The following MAP3K3 variants were observed in gnomAD, a reference collection of about 807,000 sequenced individuals.
MAP3K3 encodes the protein mitogen-activated protein kinase kinase kinase 3.
MAP3K3 carries 12 observed loss-of-function variants against 80.9 expected under a neutral mutation model. The observed-to-expected ratio is 0.15, with a 90% confidence interval of 0.10 to 0.24. MAP3K3 has a LOEUF of 0.24. Among genes scored for constraint, MAP3K3 ranks in the 10% least tolerant of loss-of-function variants. The probability of loss-of-function intolerance (pLI) is 1.00; values close to 1 mark genes in which losing one functional copy is unlikely to be tolerated. For synonymous variants in MAP3K3, 272 were observed against 307.1 expected (o/e 0.89, Z 1.19); for missense variants, 596 against 834.7 (o/e 0.71, Z 3.52).
At chr17:63,625,317 T>C (rs936156963) in intron 1 of MAP3K3, among the ~76,000 whole-genome samples, 1 of 152,200 alleles carries the variant, frequency 6.6e-6, no homozygotes, top group Non-Finnish European at 1.5e-5. Flanking sequence ...TATGTGGCTA[T>C]AAAAAATTGG....
intron 2 of MAP3K3, among the ~76,000 whole-genome samples, chr17:63,640,361 ATTGAGT>A (rs1446294276): frequency 3.3e-5 from 5 of 152,178 alleles, no homozygotes; most frequent in Non-Finnish European, 7.3e-5. Context: ...ATATGGCTAG[ATTGAGT>A]TTGAGATTAC....
At chr17:63,655,070 CAAAT>C (rs979622157) in intron 4 of MAP3K3, among the ~76,000 whole-genome samples, 29 of 152,066 alleles carry the variant, frequency 1.9e-4, no homozygotes, top group Admixed American at 1.1e-3. Context: ...TTTAAATAAA[CAAAT>C]AAAGGAAAGA....
chr17:63,622,485 C>CT lies in MAP3K3; in HGVS notation c.-275_-274insT, dbSNP rs2034004625. On this transcript the variant is annotated 5_prime_UTR_variant, in exon 1 of 16. Transcript: ENST00000361733. ...AGAGACTGCGGGTCTGAGGGACTGGCGGGCGGGCGGGCCGAGCGGCGCCGC... is the reference window on the plus strand; with the variant it reads ...AGAGACTGCGGGTCTGAGGGACTGGCTGGGCGGGCGGGCCGAGCGGCGCCGC... 1 of 150,758 alleles carries CT rather than the reference C, an allele frequency of 6.6e-6. No individual in the cohort carries two copies. The highest frequency in any genetic ancestry group is 2.4e-5 in the African/African-American group (1 of 40,912). The allele number at this position is 150,758 out of a possible 1,614,324, so 9.3% of individuals were successfully genotyped here. A position where few individuals can be genotyped will look rare whatever the true frequency, so the allele number is the denominator to read the frequency against.
At chr17:63,658,158 T>C (rs989653594) in intron 5 of MAP3K3, among the ~76,000 whole-genome samples, 5 of 152,256 alleles carry the variant, frequency 3.3e-5, no homozygotes, top group African/African-American at 9.6e-5. Flanking sequence ...GAAAATACTT[T>C]ATGATAAAGA....
At chr17:63,690,687 G>A (rs1234988972) in intron 12 of MAP3K3, 2 of 465,998 alleles carry the variant, frequency 4.3e-6, no homozygotes, top group African/African-American at 2.0e-5. Flanking sequence ...TGACACAGAG[G>A]GGACTCCCTC....
intron 5 of MAP3K3, among the ~76,000 whole-genome samples, chr17:63,658,734 CTTTTTTT>C: frequency 7.2e-6 from 1 of 138,138 alleles, no homozygotes; most frequent in East Asian, 2.2e-4. Flanking sequence ...CATTTCTTTT[CTTTTTTT>C]TTTTTTTTTT....
chr17:63,679,752 G>T (rs2035293004), intron 6 of MAP3K3, among the ~76,000 whole-genome samples: 1 of 152,200 alleles, frequency 6.6e-6, no homozygotes, highest in African/African-American at 2.4e-5. Context: ...GATAATAGGT[G>T]TGAGCCACTG....
At position 63,667,033 on chromosome 17, in the gene MAP3K3, G is replaced by A. The variant is rs1369849994; in HGVS notation, c.475G>A (p.Glu159Lys). The change falls in exon 6 of 16, where the codon GAG becomes AAG. Residue 159 changes from glutamate to lysine, a missense_variant. Around this residue, in one of 2 missense-constraint regions of MAP3K3, gnomAD observed 232 missense variants for 245.8 expected, o/e 0.94. Transcript: ENST00000361733. ...TATAAATACTATCTACCAGCCCCCC[G>A]AGCCCAGAAGCAGGCACCTCTCTGT... is the stretch of plus-strand genomic sequence containing the variant. ...GDINTIYQPP[E>K]PRSRHLSVSS... The A allele has an allele frequency of 6.2e-7, 1 of 1,609,962 alleles. No individual in the cohort carries two copies. The highest frequency in any genetic ancestry group is 1.1e-5 in the South Asian group (1 of 90,176).
chr17:63,644,941 C>T (rs1176050310), intron 2 of MAP3K3, among the ~76,000 whole-genome samples: 1 of 152,170 alleles, frequency 6.6e-6, no homozygotes, highest in Non-Finnish European at 1.5e-5. Context: ...TTCCTCTACA[C>T]CTGTTCTTCT....
chr17:63,688,957 C>T (rs2035523171), intron 10 of MAP3K3, 76 bp downstream of exon 10: 1 of 1,004,974 alleles, frequency 1.0e-6, no homozygotes. Flanking sequence ...TGGGTTCGTC[C>T]ATGCAGTGCC....
chr17:63,662,060 G>A (rs1299281843), intron 5 of MAP3K3, among the ~76,000 whole-genome samples: 2 of 151,368 alleles, frequency 1.3e-5, no homozygotes, highest in Admixed American at 6.6e-5. Context: ...CCAGGATTGC[G>A]CCATTGCACT....
intron 8 of MAP3K3, 64 bp downstream of exon 8, chr17:63,685,654 A>G (rs1425745919): frequency 7.2e-6 from 10 of 1,379,722 alleles, no homozygotes. Context: ...TGGGTTGAGG[A>G]AGAAGAGTTA....
At chr17:63,646,596 A>G (rs1266582023) in intron 3 of MAP3K3, among the ~76,000 whole-genome samples, 1 of 152,240 alleles carries the variant, frequency 6.6e-6, no homozygotes. Flanking sequence ...CTTTGAGGAC[A>G]TAGAAAGAGG....
At position 63,689,768 on chromosome 17, in the gene MAP3K3, C is replaced by A; in HGVS notation, c.1063+33C>A. 6.3e-7 allele frequency: 1 copy of A among 1,575,260 alleles called. No homozygotes were observed. Among genetic ancestry groups the A allele is most frequent in the Non-Finnish European group, 8.7e-7 (1 of 1,155,860 alleles). On this transcript the variant is annotated intron_variant, in intron 11 of 15. Coordinates refer to ENST00000361733, the MANE Select transcript of MAP3K3 (RefSeq NM_002401.5). This position sits in a 1 kb window ranked among gnomAD's most constrained non-coding sequence, Gnocchi z 4.3. ...GCTGTCCCTGGCTAGGAGGAGACTG[C>A]CCAGGTGGTCTCAGACAAGCTACGG...
chr17:63,630,557 G>A (rs1261386775), intron 1 of MAP3K3, among the ~76,000 whole-genome samples: 1 of 152,086 alleles, frequency 6.6e-6, no homozygotes, highest in African/African-American at 2.4e-5. Flanking sequence ...GAACTCCTGG[G>A]CTCAAGCAAT....
At chr17:63,685,678 A>G in intron 8 of MAP3K3, 88 bp downstream of exon 8, 4 of 1,064,564 alleles carry the variant, frequency 3.8e-6, no homozygotes, top group South Asian at 1.3e-5. Flanking sequence ...CTGGAGGCCC[A>G]GGGTTAAAAC....
At chr17:63,666,279 TTC>T (rs1229937912) in intron 5 of MAP3K3, among the ~76,000 whole-genome samples, 1 of 152,170 alleles carries the variant, frequency 6.6e-6, no homozygotes, top group Non-Finnish European at 1.5e-5. Context: ...CCCTGGAATC[TTC>T]TTAATTTTCA....
intron 5 of MAP3K3, among the ~76,000 whole-genome samples, chr17:63,661,577 G>A (rs1355409658): frequency 1.3e-5 from 2 of 152,066 alleles, no homozygotes; most frequent in African/African-American, 4.8e-5. Context: ...ACCTTCTTTT[G>A]TAACTTGTAT....
chr17:63,662,415 G>T (rs1161274897), intron 5 of MAP3K3, among the ~76,000 whole-genome samples: 5 of 151,670 alleles, frequency 3.3e-5, no homozygotes, highest in Non-Finnish European at 7.4e-5. Flanking sequence ...ACCCTGTCTC[G>T]AATAATAGTA....
Sources: gnomAD v4.1 joint callset for allele counts (sites outside exome capture counted in the v4.1 genomes callset) on GRCh38, gnomAD v4.1.1 for gene constraint, gnomAD v4.1.1 regional missense constraint, Gnocchi (gnomAD v3.1) non-coding constraint, MANE v1.5 for transcripts, NCBI Gene and HGNC (gene_info 2026-07-23, HGNC 2026-07-21) for gene names.